Variants in SP4 observed in about 807,000 individuals in gnomAD.
The protein encoded by SP4 is Sp4 transcription factor, also known as transcription factor Sp4.
In SP4, 19 loss-of-function variants were observed where a neutral mutation model predicts 72.8. The ratio of observed to expected loss-of-function variants is 0.26; its 90% CI spans 0.18 to 0.38. SP4 has a LOEUF of 0.38. Among genes scored for constraint, SP4 ranks in the 10% least tolerant of loss-of-function variants. The pLI, the probability that SP4 is intolerant of heterozygous loss-of-function variation, is 1.00. For missense variants in SP4, 1,008 were observed against 926.3 expected (o/e 1.09, Z -1.14); for synonymous variants, 395 against 333.1 (o/e 1.19, Z -2.02).
In SP4 at chr7:21,444,579, C is replaced by T. The variant is rs560865349; in HGVS notation, c.1678+13736C>T. On this transcript the variant is annotated intron_variant, in intron 3 of 5. Transcript: ENST00000222584. Reference sequence around the variant, plus strand: ...CTTACTGCCCTGAATTGTGTACTCTCTGTATACTGTAGTGTTTGTTTTCTG... The same window carrying T: ...CTTACTGCCCTGAATTGTGTACTCTTTGTATACTGTAGTGTTTGTTTTCTG... 3.9e-5 allele frequency among the ~76,000 whole-genome samples: 6 copies of T among 152,308 alleles called. No individual in the cohort carries two copies. The South Asian group carries it at 6.2e-4, about 16-fold the overall frequency.
intron 5 of SP4, chr7:21,482,543 C>A: frequency 2.2e-6 from 1 of 448,450 alleles, no homozygotes; most frequent in Non-Finnish European, 2.9e-6. Flanking sequence ...AAATAATAAA[C>A]ATCTAACAAC....
At chr7:21,501,936 A>T (rs554084660) in intron 5 of SP4, among the ~76,000 whole-genome samples, 51 of 152,112 alleles carry the variant, frequency 3.4e-4, no homozygotes, top group Middle Eastern at 3.4e-3. Context: ...TGTTGATTAT[A>T]ATAGATGTAG....
chr7:21,455,347 A>C (rs1422662538), intron 3 of SP4, among the ~76,000 whole-genome samples: 1 of 152,180 alleles, frequency 6.6e-6, no homozygotes, highest in South Asian at 2.1e-4. Flanking sequence ...AAGGAAAACT[A>C]GTTTTTTGTT....
rs1213373265 is a variant in SP4, at chr7:21,512,969, GTATT to G, written c.*1703_*1706del. The G allele has an allele frequency of 6.6e-6, 1 of 152,570 alleles. No homozygotes were observed. Among genetic ancestry groups the G allele is most frequent in the African/African-American group, 2.4e-5 (1 of 41,428 alleles). The allele number at this position is 152,570 out of a possible 1,614,324, so 9.5% of individuals were successfully genotyped here. ...TAAGGATATTTTATGTTTTAAAAAAGTATTTACACAGAATCATAATCAGTGAAAT... is the reference window on the plus strand; with the variant it reads ...TAAGGATATTTTATGTTTTAAAAAAGTACACAGAATCATAATCAGTGAAAT... On this transcript the variant is annotated 3_prime_UTR_variant, in exon 6 of 6. Coordinates refer to ENST00000222584, the MANE Select transcript of SP4 (RefSeq NM_003112.5).
intron 3 of SP4, among the ~76,000 whole-genome samples, chr7:21,439,870 C>T (rs1027336490): frequency 1.1e-4 from 16 of 152,208 alleles, no homozygotes; most frequent in African/African-American, 3.4e-4. Context: ...CACTGCACTC[C>T]AGTCTGGGTG....
At chr7:21,482,489 T>C in intron 5 of SP4, 1 of 232,746 alleles carries the variant, frequency 4.3e-6, no homozygotes, top group Non-Finnish European at 7.0e-6. Context: ...GTTTTTTTTT[T>C]TCTTAACAAA....
chr7:21,440,815 A>G (rs986519200), intron 3 of SP4, among the ~76,000 whole-genome samples: 1 of 152,190 alleles, frequency 6.6e-6, no homozygotes, highest in African/African-American at 2.4e-5. Context: ...GTGCCACTGC[A>G]CTTCAGTCTG....
At chr7:21,490,129 A>G (rs1351594346) in intron 5 of SP4, among the ~76,000 whole-genome samples, 3 of 152,252 alleles carry the variant, frequency 2.0e-5, no homozygotes, top group South Asian at 2.1e-4. Context: ...AATGAGGACA[A>G]TGAAAAGCAA....
At chr7:21,455,953 C>A (rs1198874100) in intron 3 of SP4, among the ~76,000 whole-genome samples, 1 of 152,160 alleles carries the variant, frequency 6.6e-6, no homozygotes, top group Non-Finnish European at 1.5e-5. Flanking sequence ...TCCCTCCCTT[C>A]AAATATGACC....
In SP4 at chr7:21,512,429, T is replaced by G. The variant is rs1012410805; in HGVS notation, c.*1160T>G. The G allele has an allele frequency of 3.3e-5, 5 of 152,304 alleles. No individual in the cohort carries two copies. The highest frequency in any genetic ancestry group is 1.2e-4 in the African/African-American group (5 of 41,444). 9.4% of individuals were successfully genotyped at this position (152,304 alleles called of 1,614,324 possible). ...CAATAACTGAATTTTCCCTAAAAAT[T>G]AGCCTAATATATAATAGATATATTA... On this transcript the variant is annotated 3_prime_UTR_variant, in exon 6 of 6. Transcript: ENST00000222584.
chr7:21,457,355 G>T (rs181840741), intron 3 of SP4, among the ~76,000 whole-genome samples: 5 of 151,916 alleles, frequency 3.3e-5, no homozygotes, highest in African/African-American at 4.8e-5. Context: ...GTAATGGTTC[G>T]TTATACTACC....
intron 3 of SP4, among the ~76,000 whole-genome samples, chr7:21,445,246 C>T (rs1260792156): frequency 6.6e-6 from 1 of 151,854 alleles, no homozygotes; most frequent in Non-Finnish European, 1.5e-5. Flanking sequence ...TGTAAAACCC[C>T]AAAAAGAATA....
intron 5 of SP4, among the ~76,000 whole-genome samples, chr7:21,485,821 C>A (rs556007293): frequency 7.9e-5 from 12 of 151,872 alleles, no homozygotes; most frequent in Non-Finnish European, 1.8e-4. Context: ...TTTTCTGGAG[C>A]CTTCCATCTT....
chr7:21,495,534 G>T (rs914190818), intron 5 of SP4, among the ~76,000 whole-genome samples: 13 of 151,960 alleles, frequency 8.6e-5, no homozygotes, highest in African/African-American at 2.9e-4. Context: ...AAACCATAAT[G>T]CAATACTACT....
chr7:21,456,088 A>C (rs1323826568), intron 3 of SP4, among the ~76,000 whole-genome samples: 5 of 152,198 alleles, frequency 3.3e-5, no homozygotes, highest in Non-Finnish European at 7.3e-5. Context: ...CAAAAACAGC[A>C]GCCCTTGGAT....
At chr7:21,446,019 TG>T (rs1779067283) in intron 3 of SP4, among the ~76,000 whole-genome samples, 1 of 140,290 alleles carries the variant, frequency 7.1e-6, no homozygotes, top group African/African-American at 2.8e-5. Context: ...TGTGTGTGTG[TG>T]TGTGTGTGTG....
intron 2 of SP4, among the ~76,000 whole-genome samples, 176 bp from the exon 3 acceptor site, chr7:21,429,113 C>T (rs1020598917): frequency 6.6e-6 from 1 of 151,886 alleles, no homozygotes; most frequent in African/African-American, 2.4e-5. Flanking sequence ...GGACTTGCTT[C>T]CTTATTCATA....
intron 3 of SP4, among the ~76,000 whole-genome samples, chr7:21,445,177 T>C (rs1029498548): frequency 2.0e-5 from 3 of 152,142 alleles, no homozygotes; most frequent in Non-Finnish European, 4.4e-5. Flanking sequence ...CCCTTTCTTT[T>C]ATTTTTTGAA....
chr7:21,462,129 A>C (rs1784013310), intron 3 of SP4, among the ~76,000 whole-genome samples: 1 of 151,018 alleles, frequency 6.6e-6, no homozygotes. Context: ...AGGCTGAAGC[A>C]ATCCGCCCAC....
Sources: gnomAD v4.1 joint callset for allele counts (sites outside exome capture counted in the v4.1 genomes callset) on GRCh38, gnomAD v4.1.1 for gene constraint, MANE v1.5 for transcripts, NCBI Gene and HGNC (gene_info 2026-07-23, HGNC 2026-07-21) for gene names.